SPATA13: variants seen among roughly 807,000 people sequenced by gnomAD.
SPATA13 encodes spermatogenesis-associated protein 13.
In SPATA13, 50 loss-of-function variants were observed where a neutral mutation model predicts 104.0. That is an observed-to-expected ratio of 0.48 (90% confidence interval 0.38 to 0.61). SPATA13 has a LOEUF of 0.61. SPATA13 is among the 20% of genes least tolerant of loss of function. The pLI is 0.00. For missense variants in SPATA13, 1,524 were observed against 1,690.6 expected, an observed-to-expected ratio of 0.90 and a Z score of 1.73; for synonymous variants, 606 against 667.5, an observed-to-expected ratio of 0.91 and a Z score of 1.42.
At chr13:24,143,164 T>C (rs1881816671) in intron 3 of SPATA13, among the ~76,000 whole-genome samples, 1 of 152,188 alleles carries the variant, frequency 6.6e-6, no homozygotes, top group South Asian at 2.1e-4. Context: ...CCCAGGGCAT[T>C]CCTTTTCTGG....
chr13:24,092,806 A>G (rs1290972551), intron 3 of SPATA13, among the ~76,000 whole-genome samples: 6 of 152,230 alleles, frequency 3.9e-5, no homozygotes, highest in Admixed American at 3.9e-4. Context: ...GGGCATCTGT[A>G]TGTGGAGCTT....
chr13:24,077,419 G>C (rs747841699), intron 3 of SPATA13, among the ~76,000 whole-genome samples: 2 of 152,046 alleles, frequency 1.3e-5, no homozygotes, highest in African/African-American at 4.8e-5. Flanking sequence ...CGAAAGAACA[G>C]ATATAGTACA....
At chr13:24,079,883 G>A (rs556486904) in intron 3 of SPATA13, among the ~76,000 whole-genome samples, 2 of 152,104 alleles carry the variant, frequency 1.3e-5, no homozygotes, top group African/African-American at 2.4e-5. Flanking sequence ...CTCATACACT[G>A]TCTACAGTAA....
intron 3 of SPATA13, among the ~76,000 whole-genome samples, chr13:24,028,679 C>T (rs1046941002): frequency 3.9e-5 from 6 of 152,148 alleles, no homozygotes; most frequent in Non-Finnish European, 1.5e-5. Flanking sequence ...CTTTTATTCA[C>T]CTTACTATCT....
intron 1 of SPATA13, among the ~76,000 whole-genome samples, chr13:24,168,033 G>A (rs1397038886): frequency 6.6e-6 from 1 of 152,078 alleles, no homozygotes; most frequent in South Asian, 2.1e-4. Flanking sequence ...GCCTCTTGAT[G>A]ACGTAATTAT....
chr13:24,193,874 G>A (rs1437159152), intron 1 of SPATA13, among the ~76,000 whole-genome samples: 4 of 152,192 alleles, frequency 2.6e-5, no homozygotes, highest in African/African-American at 9.7e-5. Flanking sequence ...GATGTGGAGA[G>A]TTGCTGGGTG....
At chr13:24,093,893 G>A (rs1255721226) in intron 3 of SPATA13, among the ~76,000 whole-genome samples, 1 of 152,066 alleles carries the variant, frequency 6.6e-6, no homozygotes, top group Admixed American at 6.6e-5. Context: ...TGGGTGGGGG[G>A]ACCTGATGCA....
intron 3 of SPATA13, among the ~76,000 whole-genome samples, chr13:24,026,367 C>G (rs1460442058): frequency 6.6e-6 from 1 of 151,994 alleles, no homozygotes; most frequent in Non-Finnish European, 1.5e-5. Context: ...TGGGGGTGCA[C>G]TGGGGAGGGA....
chr13:24,216,509 A>G (rs1433487910), intron 1 of SPATA13, among the ~76,000 whole-genome samples: 3 of 152,210 alleles, frequency 2.0e-5, no homozygotes, highest in African/African-American at 7.2e-5. Flanking sequence ...CTTTCAATTC[A>G]CAAACATTGA....
In SPATA13 at chr13:23,995,100, A is replaced by G. The variant is rs563235675; in HGVS notation, c.-147+11167A>G. Among the ~76,000 whole-genome samples the G allele has an allele frequency of 7.9e-5, 12 of 152,282 alleles. No individual in the cohort carries two copies. In the South Asian group the frequency reaches 2.3e-3, roughly 29 times the overall value. The stretch of plus-strand genomic sequence containing the variant: ...CATACACAGGACAGCCCCCAAACAC[A>G]ATGTCCAAAAATGTCAGTAGTGCCA... On this transcript the variant is annotated intron_variant, in intron 2 of 14. Transcript: ENST00000424834.
intron 1 of SPATA13, among the ~76,000 whole-genome samples, chr13:24,213,759 C>T (rs892520602): frequency 1.3e-5 from 2 of 152,088 alleles, no homozygotes; most frequent in African/African-American, 4.8e-5. Context: ...AATTTGTTTA[C>T]ATTATAAATT....
chr13:24,143,750 C>T (rs1881839958), intron 3 of SPATA13, among the ~76,000 whole-genome samples: 1 of 152,162 alleles, frequency 6.6e-6, no homozygotes, highest in Admixed American at 6.5e-5. Flanking sequence ...CAGAAACTGT[C>T]TGGCTACTTG....
At position 24,223,195 on chromosome 13, in the gene SPATA13, G is replaced by C. The variant is rs1220545; in HGVS notation, c.266G>C (p.Arg89Pro). The change falls in exon 2 of 13, where the codon CGG (arginine) becomes CCG (proline). Residue 89 changes from arginine (R) to proline (P), a missense_variant. Physicochemically the swap from Arg to Pro is moderately radical, Grantham distance 103. Around this residue, in one of 2 missense-constraint regions of SPATA13, gnomAD observed 1,089 missense variants for 1,135.9 expected, o/e 0.96. Transcript: ENST00000382108. ...SRKRTGAHPERPHSMVLVGNS... is the reference protein window; with the variant it reads ...SRKRTGAHPEPPHSMVLVGNS... ...AAGAGGACGGGTGCCCACCCCGAGC[G>C]GCCCCACTCCATGGTCCTGGTGGGG... The C allele has an allele frequency of 6.9e-4, 1,067 of 1,551,636 alleles. 7 individuals are homozygous for C. The African/African-American group carries it at 0.013, about 20-fold the overall frequency.
Position 24,297,356 on chromosome 13 carries a change from CT to C in SPATA13, c.3211-5del. On this transcript the variant is annotated splice_region_variant and splice_polypyrimidine_tract_variant and intron_variant, in intron 10 of 12. Transcript: ENST00000382108. The stretch of plus-strand genomic sequence containing the variant: ...GAAGGTCTTAAGATGTGTTTTCATC[CT>C]TCCAGGGACTGGATATCTTAGACCG... The C allele has an allele frequency of 1.9e-6, 3 of 1,600,932 alleles. No individual in the cohort carries two copies. The South Asian group carries it at 3.3e-5, about 18-fold the overall frequency.
chr13:24,146,614 G>A (rs1473191205), intron 3 of SPATA13, among the ~76,000 whole-genome samples: 1 of 147,088 alleles, frequency 6.8e-6, no homozygotes, highest in Non-Finnish European at 1.5e-5. Context: ...TCTTTTACAG[G>A]GCACTAAGGA....
chr13:24,126,373 A>G (rs961031744), intron 3 of SPATA13, among the ~76,000 whole-genome samples: 4 of 151,864 alleles, frequency 2.6e-5, no homozygotes, highest in African/African-American at 9.7e-5. Context: ...TGACTGCCAC[A>G]CTCTGCTCTG....
chr13:24,287,051 T>A, intron 7 of SPATA13, 101 bp downstream of exon 7: 1 of 941,690 alleles, frequency 1.1e-6, no homozygotes, highest in Non-Finnish European at 1.5e-6. Flanking sequence ...CCCATCAGGC[T>A]CCCACATGTA....
chr13:23,993,793 C>T (rs1396420261), intron 2 of SPATA13, among the ~76,000 whole-genome samples: 1 of 152,144 alleles, frequency 6.6e-6, no homozygotes, highest in African/African-American at 2.4e-5. Flanking sequence ...TGTAAACCAC[C>T]CCTGCTCACA....
chr13:24,252,322 CTG>C (rs2138665480), intron 4 of SPATA13, among the ~76,000 whole-genome samples: 1 of 152,284 alleles, frequency 6.6e-6, no homozygotes, highest in African/African-American at 2.4e-5. Flanking sequence ...CTGTGTCTGT[CTG>C]TGTTCAGATT....
Sources: gnomAD v4.1 joint callset for allele counts (sites outside exome capture counted in the v4.1 genomes callset) on GRCh38, gnomAD v4.1.1 for gene constraint, gnomAD v4.1.1 regional missense constraint, MANE v1.5 for transcripts, NCBI Gene and HGNC (gene_info 2026-07-23, HGNC 2026-07-21) for gene names.